The following PCDHGA9 variants were observed in gnomAD, a reference collection of about 807,000 sequenced individuals.
The protein encoded by PCDHGA9 is protocadherin gamma-A9.
In PCDHGA9, 37 loss-of-function variants were observed where a neutral mutation model predicts 62.5. That is an observed-to-expected ratio of 0.59 (90% CI 0.46 to 0.78). The LOEUF is 0.78. Ranked by LOEUF, PCDHGA9 falls within the 30% of genes least tolerant of loss-of-function variation. The pLI, the probability that PCDHGA9 is intolerant of heterozygous loss-of-function variation, is 0.00. For synonymous variants in PCDHGA9, 459 were observed against 484.6 expected (o/e 0.95, Z 0.69); for missense variants, 1,138 against 1,166.2 (o/e 0.98, Z 0.35).
At chr5:141,488,348 C>T (rs1231687770) in intron 1 of PCDHGA9, among the ~76,000 whole-genome samples, 1 of 152,106 alleles carries the variant, frequency 6.6e-6, no homozygotes, top group Non-Finnish European at 1.5e-5. Flanking sequence ...TAGAAACAGC[C>T]ACCCTGTGCA....
intron 1 of PCDHGA9, among the ~76,000 whole-genome samples, chr5:141,467,772 C>A (rs972304213): frequency 1.3e-5 from 2 of 151,686 alleles, no homozygotes; most frequent in Admixed American, 6.6e-5. Flanking sequence ...AGTGCCCGCA[C>A]CTCAGCCTCT....
intron 1 of PCDHGA9, chr5:141,413,431 G>T (rs963192857): frequency 1.9e-6 from 3 of 1,614,092 alleles, no homozygotes; most frequent in Non-Finnish European, 2.5e-6. Context: ...CCCGCGCAGC[G>T]GCAGCTTGAT....
chr5:141,430,509 G>T, intron 1 of PCDHGA9: 1 of 328,564 alleles, frequency 3.0e-6, no homozygotes. Flanking sequence ...GGGAGTTCAA[G>T]ATTGTGCAGT....
At chr5:141,475,871 A>G (rs568810142) in intron 1 of PCDHGA9, 17 of 513,152 alleles carry the variant, frequency 3.3e-5, no homozygotes, top group Middle Eastern at 5.1e-4. Context: ...TTCTTCGTGC[A>G]GTTATTGGCT....
chr5:141,415,494 C>T lies in PCDHGA9; in HGVS notation c.2424+10118C>T, dbSNP rs377609539. 2.5e-6 allele frequency: 4 copies of T among 1,614,110 alleles called. No homozygotes were observed. The African/African-American group carries it at 4.0e-5, about 16-fold the overall frequency. ...CGGACTCGCGAAAGAGTCACCTGAT[C>T]TTCCCCCAGCCCAATTATGCGGACA... On this transcript the variant is annotated intron_variant, in intron 1 of 3. Transcript: ENST00000573521.
Position 141,491,913 on chromosome 5 carries a change from T to C in PCDHGA9, c.2425-2894T>C, listed in dbSNP as rs2099735120. 2.1e-6 allele frequency: 3 copies of C among 1,398,206 alleles called. No homozygotes were observed. Among genetic ancestry groups the C allele is most frequent in the Non-Finnish European group, 2.9e-6 (3 of 1,051,918 alleles). The allele number at this position is 1,398,206 out of a possible 1,614,324, so 86.6% of individuals were successfully genotyped here. On this transcript the variant is annotated intron_variant, in intron 1 of 3. Coordinates refer to ENST00000573521, the MANE Select transcript of PCDHGA9 (RefSeq NM_018921.3). The surrounding 1 kb of genome is among the most constrained non-coding windows in gnomAD (Gnocchi z 6.9). ...TCCGAGCACCGGGGGTGGTGGCGAC[T>C]GTGGGCGAGGGGAGGTGGGACCGAC... is the stretch of plus-strand genomic sequence containing the variant.
chr5:141,426,754 T>C, intron 1 of PCDHGA9: 1 of 456,314 alleles, frequency 2.2e-6, no homozygotes, highest in Non-Finnish European at 4.4e-6. Context: ...GAATCTGCTA[T>C]AGATGCAGAT....
At chr5:141,444,644 G>T (rs1300191764) in intron 1 of PCDHGA9, among the ~76,000 whole-genome samples, 1 of 151,892 alleles carries the variant, frequency 6.6e-6, no homozygotes, top group Non-Finnish European at 1.5e-5. Flanking sequence ...ATTGAGGTAG[G>T]GGTTGAAGTT....
Position 141,489,576 on chromosome 5 carries a change from C to G in PCDHGA9, c.2425-5231C>G. 6.2e-7 allele frequency: 1 copy of G among 1,614,054 alleles called. No individual in the cohort carries two copies. Among genetic ancestry groups the G allele is most frequent in the Non-Finnish European group, 8.5e-7 (1 of 1,179,976 alleles). On this transcript the variant is annotated intron_variant, in intron 1 of 3. Coordinates refer to ENST00000573521, the MANE Select transcript of PCDHGA9 (RefSeq NM_018921.3). This position sits in a 1 kb window ranked among gnomAD's most constrained non-coding sequence, Gnocchi z 4.5. ...TGCCAGTGCAGGTGGTGACTGAACA[C>G]CCCCTGGAGCTAATCCGTGTAGAGG...
Position 141,403,104 on chromosome 5 carries a change from A to T in PCDHGA9, c.152A>T (p.Asp51Val). Reference sequence around the variant, plus strand: ...TATATTGTGGGCAACATCTCCAAGGACCTGGCTCTGGAGCCCCGGGAGCTG... The same window carrying T: ...TATATTGTGGGCAACATCTCCAAGGTCCTGGCTCTGGAGCCCCGGGAGCTG... ...KGYIVGNISK[D>V]LALEPRELAE... Residue 51 changes from aspartate (D) to valine (V), a missense_variant, in exon 1 of 4, where the codon GAC becomes GTC. Physicochemically the swap from Asp to Val is radical, Grantham distance 152. Transcript: ENST00000573521. 6.2e-7 allele frequency: 1 copy of T among 1,614,038 alleles called. No individual in the cohort carries two copies.
chr5:141,408,729 C>T (rs767933076), intron 1 of PCDHGA9: 9 of 1,610,240 alleles, frequency 5.6e-6, no homozygotes, highest in Non-Finnish European at 7.6e-6. Flanking sequence ...AACTCTAATC[C>T]TTATTTTTCA....
chr5:141,419,481 C>T (rs2096389716), intron 1 of PCDHGA9: 1 of 1,612,422 alleles, frequency 6.2e-7, no homozygotes, highest in East Asian at 2.2e-5. Flanking sequence ...GGCTCGCCCG[C>T]GCTCAGCGCC....
chr5:141,463,653 G>A (rs1378583183), intron 1 of PCDHGA9, among the ~76,000 whole-genome samples: 2 of 151,764 alleles, frequency 1.3e-5, no homozygotes, highest in Admixed American at 6.6e-5. Context: ...GGGTTTCACC[G>A]TGTTAGCCAG....
At chr5:141,427,879 C>T in intron 1 of PCDHGA9, 1 of 1,562,380 alleles carries the variant, frequency 6.4e-7, no homozygotes. Context: ...ACGATGCAGG[C>T]CCACGACCAG....
At position 141,403,927 on chromosome 5, in the gene PCDHGA9, G is replaced by A; in HGVS notation, c.975G>A (p.Gly325=). Residue 325 remains glycine, a synonymous_variant, in exon 1 of 4, where the codon GGG becomes GGA. Transcript: ENST00000573521. The part of the protein sequence containing the change: ...YEMEIQAEDG[G]GLKGWTKVLI... ...TGGAAATACAAGCTGAAGATGGTGG[G>A]GGATTGAAAGGGTGGACAAAAGTGC... The A allele has an allele frequency of 1.9e-6, 3 of 1,613,852 alleles. No homozygotes were observed. Among genetic ancestry groups the A allele is most frequent in the East Asian group, 2.2e-5 (1 of 44,862 alleles).
intron 2 of PCDHGA9, among the ~76,000 whole-genome samples, chr5:141,499,940 G>A (rs1158937971): frequency 4.0e-5 from 6 of 151,722 alleles, no homozygotes; most frequent in Non-Finnish European, 8.8e-5. Flanking sequence ...CACCCTCCTC[G>A]GCCTCCCAAA....
intron 1 of PCDHGA9, chr5:141,478,160 GC>G (rs764598056): frequency 1.9e-6 from 3 of 1,613,964 alleles, no homozygotes; most frequent in Non-Finnish European, 2.5e-6. Flanking sequence ...CTCTGGCTCT[GC>G]CCCCCGGGAG....
chr5:141,497,649 C>T (rs973501351), intron 2 of PCDHGA9, among the ~76,000 whole-genome samples: 1 of 151,784 alleles, frequency 6.6e-6, no homozygotes, highest in Non-Finnish European at 1.5e-5. Context: ...AAGCGATTCT[C>T]CTGCCTCAGC....
rs938964469 is a variant in PCDHGA9 at position 141,485,439 on chromosome 5, C to T, written c.2425-9368C>T. On this transcript the variant is annotated intron_variant, in intron 1 of 3. Transcript: ENST00000573521. This position sits in a 1 kb window ranked among gnomAD's most constrained non-coding sequence, Gnocchi z 5.7. The stretch of plus-strand genomic sequence containing the variant: ...AGCGGAGCCCTGCTCATCAAGAACC[C>T]AATCGACCGAGAGGCACTGTGTGGG... The T allele has an allele frequency of 1.1e-5, 18 of 1,614,182 alleles. No homozygotes were observed. Among genetic ancestry groups the T allele is most frequent in the Non-Finnish European group, 1.5e-5 (18 of 1,180,036 alleles).
Sources: gnomAD v4.1 joint callset for allele counts (sites outside exome capture counted in the v4.1 genomes callset) on GRCh38, gnomAD v4.1.1 for gene constraint, Gnocchi (gnomAD v3.1) non-coding constraint, MANE v1.5 for transcripts, NCBI Gene and HGNC (gene_info 2026-07-23, HGNC 2026-07-21) for gene names.